The following CLVS1 variants were observed in gnomAD, a reference collection of about 807,000 sequenced individuals.
The protein encoded by CLVS1 is clavesin 1.
In CLVS1, 10 loss-of-function variants were observed where a neutral mutation model predicts 33.1. The observed-to-expected ratio is 0.30, with a 90% CI of 0.19 to 0.51. The LOEUF is 0.51. Among genes scored for constraint, CLVS1 ranks in the 20% least tolerant of loss-of-function variants. The pLI is 0.97. For synonymous variants in CLVS1, 163 were observed against 166.1 expected, an observed-to-expected ratio of 0.98 and a Z score of 0.14; for missense variants, 343 against 433.4, an observed-to-expected ratio of 0.79 and a Z score of 1.85.
At chr8:61,220,876 G>A (rs11916214) in intron 2 of CLVS1, among the ~76,000 whole-genome samples, 12,449 of 151,896 alleles carry the variant, frequency 0.082, 973 homozygotes, top group African/African-American at 0.21. Context: ...AGTTATTCAC[G>A]TCCCTTGTTA....
chr8:61,333,021 C>T (rs545011466), intron 2 of CLVS1, among the ~76,000 whole-genome samples: 31 of 152,294 alleles, frequency 2.0e-4, no homozygotes, highest in African/African-American at 7.5e-4. Flanking sequence ...GTTTTGTTTC[C>T]ATTTTCCCAT....
chr8:61,162,785 A>T (rs563755786), intron 2 of CLVS1, among the ~76,000 whole-genome samples: 1 of 152,234 alleles, frequency 6.6e-6, no homozygotes, highest in African/African-American at 2.4e-5. Flanking sequence ...GGCCCTTATA[A>T]ACCTGTTGTT....
At chr8:61,395,738 G>A (rs1814500353) in intron 3 of CLVS1, among the ~76,000 whole-genome samples, 1 of 151,970 alleles carries the variant, frequency 6.6e-6, no homozygotes, top group Non-Finnish European at 1.5e-5. Context: ...GTTGGGCCAG[G>A]GACTACTCTT....
At chr8:61,343,443 T>C (rs765624380) in intron 2 of CLVS1, among the ~76,000 whole-genome samples, 4 of 152,224 alleles carry the variant, frequency 2.6e-5, no homozygotes, top group Non-Finnish European at 4.4e-5. Flanking sequence ...GTTGCAATGG[T>C]CTGTGACAGT....
At chr8:61,375,314 G>T (rs953863681) in intron 2 of CLVS1, among the ~76,000 whole-genome samples, 2 of 149,472 alleles carry the variant, frequency 1.3e-5, no homozygotes, top group African/African-American at 2.5e-5. Flanking sequence ...GCAATGGCGC[G>T]ATCTCAGCTC....
upstream of CLVS1, among the ~76,000 whole-genome samples, chr8:61,054,345 G>A (rs752114307): frequency 5.3e-5 from 8 of 152,194 alleles, no homozygotes; most frequent in Non-Finnish European, 1.2e-4. Context: ...GACCCAAGAG[G>A]TGGCATCCTG....
At chr8:61,345,394 A>G (rs1364155397) in intron 2 of CLVS1, among the ~76,000 whole-genome samples, 12 of 152,192 alleles carry the variant, frequency 7.9e-5, no homozygotes, top group Admixed American at 7.2e-4. Context: ...AAGAATCCCA[A>G]TACGACAAGT....
At chr8:61,417,219 A>G (rs906363974) in intron 3 of CLVS1, among the ~76,000 whole-genome samples, 6 of 152,168 alleles carry the variant, frequency 3.9e-5, no homozygotes, top group African/African-American at 1.4e-4. Flanking sequence ...AATGATCTCT[A>G]AACATGAAAT....
At chr8:61,036,391 G>A in the CLVS1 span, among the ~76,000 whole-genome samples, 1 of 152,222 alleles carries the variant, frequency 6.6e-6, no homozygotes, top group African/African-American at 2.4e-5. Flanking sequence ...AGCTGCAGGT[G>A]GGGCAGCAAC....
chr8:61,420,989 C>G (rs1345820968), intron 3 of CLVS1, among the ~76,000 whole-genome samples: 1 of 152,094 alleles, frequency 6.6e-6, no homozygotes, highest in Admixed American at 6.5e-5. Flanking sequence ...AACAAAGAAA[C>G]AAACAAAAAT....
the CLVS1 span, among the ~76,000 whole-genome samples, chr8:60,980,721 G>A: frequency 6.6e-6 from 1 of 152,236 alleles, no homozygotes; most frequent in African/African-American, 2.4e-5. Flanking sequence ...GGGAGGTGGA[G>A]GTTGCAGTGA....
chr8:61,021,079 C>G, the CLVS1 span, among the ~76,000 whole-genome samples: 4 of 152,170 alleles, frequency 2.6e-5, no homozygotes, highest in African/African-American at 4.8e-5. Flanking sequence ...TTGCTTCCCC[C>G]CTTTAAAAAA....
chr8:61,152,234 CTTG>C (rs1381705639), intron 2 of CLVS1, among the ~76,000 whole-genome samples: 1 of 152,164 alleles, frequency 6.6e-6, no homozygotes, highest in Non-Finnish European at 1.5e-5. Flanking sequence ...TGGCTGCTTT[CTTG>C]TTATGTCTTC....
intron 2 of CLVS1, among the ~76,000 whole-genome samples, chr8:61,360,938 A>T (rs1046341974): frequency 6.6e-6 from 1 of 152,222 alleles, no homozygotes; most frequent in Admixed American, 6.5e-5. Flanking sequence ...ATAGTTCTGC[A>T]GGCTGTACAG....
chr8:61,435,319 A>G (rs73685029), intron 3 of CLVS1, among the ~76,000 whole-genome samples: 1 of 152,162 alleles, frequency 6.6e-6, no homozygotes, highest in Non-Finnish European at 1.5e-5. Context: ...CTTTAATTTT[A>G]GGAAGCACTT....
At chr8:60,983,929 C>T in the CLVS1 span, among the ~76,000 whole-genome samples, 1 of 152,192 alleles carries the variant, frequency 6.6e-6, no homozygotes, top group Admixed American at 6.5e-5. Context: ...CCAACACCTG[C>T]CCTGCCCTGA....
rs573501417 is a variant in CLVS1, at chr8:61,242,663, C to T, written c.-151-57014C>T. ...AATTAACCAGACATGGTGACACATG[C>T]CTGTAGTCCCAGATACTCATTCTGG... On this transcript the variant is annotated intron_variant, in intron 2 of 2. Coordinates refer to the CLVS1 transcript ENST00000522621. 2.0e-5 allele frequency among the ~76,000 whole-genome samples: 3 copies of T among 152,046 alleles called. No homozygotes were observed. In the East Asian group the frequency reaches 5.8e-4, roughly 29 times the overall value.
chr8:61,238,262 C>T (rs1484526459), intron 2 of CLVS1, among the ~76,000 whole-genome samples: 1 of 151,934 alleles, frequency 6.6e-6, no homozygotes, highest in Non-Finnish European at 1.5e-5. Context: ...TTCCTTTCCT[C>T]CCTCTAGCCT....
chr8:61,009,395 G>T, the CLVS1 span, among the ~76,000 whole-genome samples: 1 of 152,136 alleles, frequency 6.6e-6, no homozygotes, highest in Non-Finnish European at 1.5e-5. Flanking sequence ...TGATCTACTC[G>T]CCTCGGCCTC....
Sources: allele counts gnomAD v4.1 joint callset (sites outside exome capture counted in the v4.1 genomes callset), GRCh38; gene constraint gnomAD v4.1.1; transcripts MANE v1.5; gene names NCBI Gene and HGNC (gene_info 2026-07-23, HGNC 2026-07-21).